Variants in RHPN2 observed in about 807,000 individuals in gnomAD.
RHPN2 encodes the protein rhophilin Rho GTPase binding protein 2, also known as rhophilin-2.
A neutral mutation model predicts 79.0 loss-of-function variants in RHPN2; 40 were observed. The observed-to-expected ratio is 0.51, with a 90% CI of 0.39 to 0.66. The LOEUF is 0.66. Ranked by LOEUF, RHPN2 falls within the 30% of genes least tolerant of loss-of-function variation. RHPN2 has a pLI of 0.00. For synonymous variants in RHPN2, 285 were observed against 363.5 expected, an observed-to-expected ratio of 0.78 and a Z score of 2.46; for missense variants, 686 against 883.5, an observed-to-expected ratio of 0.78 and a Z score of 2.83.
chr19:32,990,822 T>C (rs1208671866), intron 13 of RHPN2, 153 bp from the exon 14 acceptor site: 1 of 741,292 alleles, frequency 1.3e-6, no homozygotes, highest in Non-Finnish European at 2.3e-6. Context: ...TTGAGGTCAG[T>C]AGTTCAAGAC....
intron 7 of RHPN2, among the ~76,000 whole-genome samples, chr19:33,007,262 G>A (rs141560967): frequency 1.9e-3 from 278 of 150,070 alleles, no homozygotes; most frequent in African/African-American, 6.5e-3. Flanking sequence ...TGAGGCAGGC[G>A]GAACACCTGA....
chr19:32,980,686 A>C (rs1339491499), intron 14 of RHPN2, among the ~76,000 whole-genome samples: 2 of 152,104 alleles, frequency 1.3e-5, no homozygotes, highest in African/African-American at 4.8e-5. Context: ...AACAAGGACA[A>C]ACTTTTTTTC....
chr19:32,993,915 T>C (rs1971680278), intron 12 of RHPN2, 62 bp downstream of exon 12: 2 of 1,248,508 alleles, frequency 1.6e-6, no homozygotes, highest in Non-Finnish European at 1.2e-6. Flanking sequence ...TAAGACACCA[T>C]ACTCGCCAAA....
intron 14 of RHPN2, among the ~76,000 whole-genome samples, chr19:32,988,807 C>T (rs924050348): frequency 1.3e-5 from 2 of 152,230 alleles, no homozygotes; most frequent in Non-Finnish European, 2.9e-5. Context: ...GCCTCGCCCC[C>T]TCCCCAGTCA....
At chr19:33,064,755 T>TGGGGCCCC in intron 1 of RHPN2, 29 bp downstream of exon 1, 4 of 1,427,944 alleles carry the variant, frequency 2.8e-6, no homozygotes, top group South Asian at 1.2e-5. Context: ...AGCCCGCAGG[T>TGGGGCCCC]CCCCGCCCGC....
chr19:33,052,103 T>A (rs1339056090), intron 1 of RHPN2, among the ~76,000 whole-genome samples: 2 of 151,766 alleles, frequency 1.3e-5, no homozygotes, highest in Non-Finnish European at 2.9e-5. Flanking sequence ...AAAAATAAAT[T>A]TATGTTAAGT....
chr19:32,991,615 G>A (rs1971660401), intron 13 of RHPN2, among the ~76,000 whole-genome samples: 1 of 152,002 alleles, frequency 6.6e-6, no homozygotes, highest in South Asian at 2.1e-4. Context: ...GCGACTCACT[G>A]CAGCCTCCAC....
rs1184426316 is a variant in RHPN2 at position 32,996,399 on chromosome 19, G to A, written c.1226-179C>T. On this transcript the variant is annotated intron_variant, in intron 10 of 14. Coordinates refer to ENST00000254260, the MANE Select transcript of RHPN2 (RefSeq NM_033103.5). ...TGACTCTCTCCTAGCAGAGAGAGCC[G>A]GACAGACTCCATTTTAGTTTCTTCA... The A allele has an allele frequency of 2.9e-5, 19 of 659,014 alleles. No individual in the cohort carries two copies. In the Middle Eastern group the frequency reaches 1.6e-3, roughly 56 times the overall value. The allele number at this position is 659,014 out of a possible 1,614,324, so 40.8% of individuals were successfully genotyped here.
At chr19:33,054,518 T>G (rs938888082) in intron 1 of RHPN2, among the ~76,000 whole-genome samples, 1 of 152,058 alleles carries the variant, frequency 6.6e-6, no homozygotes, top group Admixed American at 6.6e-5. Flanking sequence ...CTTGTTACAA[T>G]CAAATGGAAA....
At chr19:33,049,718 C>T (rs1972171897) in intron 1 of RHPN2, among the ~76,000 whole-genome samples, 1 of 152,182 alleles carries the variant, frequency 6.6e-6, no homozygotes, top group South Asian at 2.1e-4. Context: ...TTACAGGCAA[C>T]TCCTGGGGTC....
At chr19:33,022,702 G>T (rs544021635) in intron 3 of RHPN2, among the ~76,000 whole-genome samples, 37 of 152,300 alleles carry the variant, frequency 2.4e-4, no homozygotes, top group African/African-American at 8.9e-4. Flanking sequence ...TGCAAACAAG[G>T]ATTTAGCTCC....
At chr19:32,991,801 A>G (rs762663741) in intron 13 of RHPN2, 22 bp downstream of exon 13, 33 of 1,613,820 alleles carry the variant, frequency 2.0e-5, no homozygotes, top group Non-Finnish European at 2.6e-5. Flanking sequence ...TTTGCTGCCA[A>G]TCAAGAAAAG....
rs1971649423 is a variant in RHPN2, at chr19:32,990,516, T to TG, written c.1797dup (p.Met600HisfsTer3). 3 of 1,613,680 alleles carry TG rather than the reference T, an allele frequency of 1.9e-6. No homozygotes were observed. Among genetic ancestry groups the TG allele is most frequent in the Non-Finnish European group, 2.5e-6 (3 of 1,179,846 alleles). ...CCCAGGGAGGTGTCAGCGCTCACCA[T>TG]GGATGATGTGGAGTCCAGGAGGCTC... On this transcript the variant is annotated frameshift_variant, in exon 14 of 15. Coordinates refer to ENST00000254260, the MANE Select transcript of RHPN2 (RefSeq NM_033103.5). LOFTEE classifies it high-confidence loss of function.
intron 7 of RHPN2, among the ~76,000 whole-genome samples, chr19:33,006,842 G>C (rs564114194): frequency 6.6e-6 from 1 of 152,312 alleles, no homozygotes; most frequent in African/African-American, 2.4e-5. Context: ...AGGAGTTTGA[G>C]ACCAGCCTGG....
Position 33,025,322 on chromosome 19 carries a change from A to AAAC in RHPN2, c.314+1181_314+1182insGTT, listed in dbSNP as rs1971956833. On this transcript the variant is annotated intron_variant, in intron 3 of 14. Transcript: ENST00000254260. ...ACCCTGTCTCTACTTAAAAAAAAAA[A>AAAC]AAAAAAACAATTAGCCAAGTGTGAT... 5.3e-5 allele frequency among the ~76,000 whole-genome samples: 8 copies of AAAC among 151,316 alleles called. No homozygotes were observed. In the South Asian group the frequency reaches 1.7e-3, roughly 32 times the overall value.
In RHPN2 at chr19:32,996,071, C is replaced by T. The variant is rs1232947574; in HGVS notation, c.1375G>A (p.Glu459Lys). ...RSRLTYAQHQ[E>K]EDDLLNLIDA... ...ATCAGGTTCAGCAGGTCATCCTCCT[C>T]CTGGTGCTGGGCGTACGTGAGCCGG... Residue 459 changes from glutamate to lysine, a missense_variant, in exon 11 of 15, where the codon GAG becomes AAG. Glu to Lys is a moderately conservative substitution (Grantham distance 56). Coordinates refer to ENST00000254260, the MANE Select transcript of RHPN2 (RefSeq NM_033103.5). 2 of 1,614,000 alleles carry T rather than the reference C, an allele frequency of 1.2e-6. No individual in the cohort carries two copies. The highest frequency in any genetic ancestry group is 2.2e-5 in the East Asian group (1 of 44,878).
chr19:33,026,471 G>C (rs777046133), intron 3 of RHPN2, 33 bp downstream of exon 3: 1 of 1,604,368 alleles, frequency 6.2e-7, no homozygotes, highest in South Asian at 1.1e-5. Context: ...CTCTGGCTCA[G>C]AGGCTTTTGG....
Position 33,018,218 on chromosome 19 carries a change from A to G in RHPN2, c.390+3353T>C, listed in dbSNP as rs140977801. On this transcript the variant is annotated intron_variant, in intron 4 of 14. Coordinates refer to ENST00000254260, the MANE Select transcript of RHPN2 (RefSeq NM_033103.5). Reference sequence around the variant, plus strand: ...GTGGTGCATGCCTGTAGTCCCAGCTACTCAGGAGGCTGAGGAAGGAGAATC... The same window carrying G: ...GTGGTGCATGCCTGTAGTCCCAGCTGCTCAGGAGGCTGAGGAAGGAGAATC... 9.0e-4 allele frequency among the ~76,000 whole-genome samples: 136 copies of G among 151,690 alleles called. 1 individual carries two copies. The highest frequency in any genetic ancestry group is 3.2e-3 in the African/African-American group (133 of 41,310).
intron 2 of RHPN2, among the ~76,000 whole-genome samples, chr19:33,040,665 A>G (rs188897537): frequency 1.3e-5 from 2 of 152,042 alleles, no homozygotes; most frequent in East Asian, 3.9e-4. Context: ...GCCTAAATGA[A>G]AAAGTACGGT....
Sources: gnomAD v4.1 joint callset for allele counts (sites outside exome capture counted in the v4.1 genomes callset) on GRCh38, gnomAD v4.1.1 for gene constraint, MANE v1.5 for transcripts, NCBI Gene and HGNC (gene_info 2026-07-23, HGNC 2026-07-21) for gene names.